Variants in APBB2 observed in about 807,000 individuals in gnomAD.
APBB2 encodes the protein Fe65-like 1.
A neutral mutation model predicts 82.5 loss-of-function variants in APBB2; 38 were observed. The observed-to-expected ratio is 0.46, with a 90% CI of 0.36 to 0.60. APBB2 has a LOEUF of 0.60. APBB2 is among the 20% of genes least tolerant of loss of function. APBB2 has a pLI of 0.00. For missense variants in APBB2, 772 were observed against 972.3 expected (o/e 0.79, Z 2.74); for synonymous variants, 341 against 368.2 (o/e 0.93, Z 0.85).
chr4:41,021,535 A>G (rs62412130), intron 5 of APBB2, among the ~76,000 whole-genome samples: 6,975 of 152,062 alleles, frequency 0.046, 340 homozygotes, highest in African/African-American at 0.12. Context: ...GATTGTAAAC[A>G]CACCAATCAG....
intron 4 of APBB2, among the ~76,000 whole-genome samples, chr4:41,033,584 T>TCACA (rs71915197): frequency 0.052 from 6,749 of 130,704 alleles, 385 homozygotes; most frequent in African/African-American, 0.14. Context: ...CTTTTTCTCA[T>TCACA]CACACACACA....
rs1340749428 is a variant in APBB2, at chr4:40,810,777, G to A, written c.*5315C>T. On this transcript the variant is annotated 3_prime_UTR_variant, in exon 18 of 18. Transcript: ENST00000508593. ...TATCTCCTTGCCCTAAAATTATAGC[G>A]TGTGGCTCATCCTCTTATCCCACCC... 2 of 152,200 alleles carry A rather than the reference G, an allele frequency of 1.3e-5. No individual in the cohort carries two copies. Among genetic ancestry groups the A allele is most frequent in the East Asian group, 3.9e-4 (2 of 5,178 alleles). 9.4% of individuals were successfully genotyped at this position (152,200 alleles called of 1,614,324 possible).
chr4:41,010,868 A>G (rs1436241344), intron 6 of APBB2, among the ~76,000 whole-genome samples: 1 of 152,208 alleles, frequency 6.6e-6, no homozygotes, highest in East Asian at 1.9e-4. Context: ...TAAACATACA[A>G]AATTAGAGAA....
At position 41,108,797 on chromosome 4, in the gene APBB2, C is replaced by G. The variant is rs537016430; in HGVS notation, c.-260-8047G>C. Among the ~76,000 whole-genome samples, 7 of 152,294 alleles carry G rather than the reference C, an allele frequency of 4.6e-5. No homozygotes were observed. The South Asian group carries it at 1.2e-3, about 27-fold the overall frequency. Reference sequence around the variant, plus strand: ...CTGACATGTCTAAGACAGACATCACCCCAACAAACCCAACCCCTTGTTTCT... The same window carrying G: ...CTGACATGTCTAAGACAGACATCACGCCAACAAACCCAACCCCTTGTTTCT... On this transcript the variant is annotated intron_variant, in intron 2 of 17. Transcript: ENST00000508593.
At chr4:40,960,526 C>A (rs988577839) in intron 6 of APBB2, among the ~76,000 whole-genome samples, 1 of 145,058 alleles carries the variant, frequency 6.9e-6, no homozygotes, top group Non-Finnish European at 1.5e-5. Flanking sequence ...CGGCTCACTG[C>A]AAGCTCTGCC....
intron 5 of APBB2, among the ~76,000 whole-genome samples, chr4:41,032,720 C>A (rs1355479937): frequency 6.7e-6 from 1 of 148,348 alleles, no homozygotes; most frequent in Non-Finnish European, 1.5e-5. Context: ...AATTATTACA[C>A]AAATATGGTT....
chr4:41,075,004 G>A (rs1312285309), intron 3 of APBB2, among the ~76,000 whole-genome samples: 7 of 152,012 alleles, frequency 4.6e-5, no homozygotes, highest in African/African-American at 1.2e-4. Flanking sequence ...ATCTGGCCAC[G>A]TGTCTGTAGT....
At chr4:41,025,587 T>C (rs1182962443) in intron 5 of APBB2, among the ~76,000 whole-genome samples, 1 of 151,910 alleles carries the variant, frequency 6.6e-6, no homozygotes, top group East Asian at 1.9e-4. Flanking sequence ...AGCAAAGACA[T>C]GGAATCAACC....
intron 6 of APBB2, among the ~76,000 whole-genome samples, chr4:40,953,333 G>A (rs1181724041): frequency 1.4e-5 from 2 of 147,916 alleles, no homozygotes; most frequent in South Asian, 4.3e-4. Context: ...AGAGACCTGA[G>A]AAAAACCCAG....
Position 40,890,393 on chromosome 4 carries a change from G to A in APBB2, c.1500C>T (p.Arg500=), listed in dbSNP as rs753171680. ...CATTGTCGCGGCCCACGCCCCACAC[G>A]CGGATGCTGACGATGGGCTGCGAGT... The part of the protein sequence containing the change: ...VLHSQPIVSI[R]VWGVGRDNGR... Residue 500 remains arginine (R), a synonymous_variant, in exon 12 of 18, where the codon CGC becomes CGT. Coordinates refer to ENST00000508593, the MANE Select transcript of APBB2 (RefSeq NM_004307.2). The A allele has an allele frequency of 1.1e-5, 18 of 1,613,470 alleles. No homozygotes were observed. The highest frequency in any genetic ancestry group is 8.8e-5 in the South Asian group (8 of 91,056).
At position 41,151,597 on chromosome 4, in the gene APBB2, G is replaced by A. The variant is rs541074380; in HGVS notation, c.-416-8455C>T. On this transcript the variant is annotated intron_variant, in intron 1 of 17. Coordinates refer to ENST00000508593, the MANE Select transcript of APBB2 (RefSeq NM_004307.2). ...ATCAGGTTTAGGTTTTTCTGAAAGC[G>A]TATTTTGCTTTTTCCTTGAATGACA... Among the ~76,000 whole-genome samples the A allele has an allele frequency of 3.3e-5, 5 of 150,232 alleles. No individual in the cohort carries two copies. The East Asian group carries it at 5.8e-4, about 17-fold the overall frequency.
intron 2 of APBB2, among the ~76,000 whole-genome samples, chr4:41,109,174 G>A (rs1748280555): frequency 6.6e-6 from 1 of 152,122 alleles, no homozygotes; most frequent in African/African-American, 2.4e-5. Flanking sequence ...CTGAGGTGGG[G>A]GATCCTTTGA....
At position 41,013,698 on chromosome 4, in the gene APBB2, C is replaced by T. The variant is rs1413812019; in HGVS notation, c.720G>A (p.Gly240=). 6.2e-7 allele frequency: 1 copy of T among 1,614,160 alleles called. No individual in the cohort carries two copies. Among genetic ancestry groups the T allele is most frequent in the Non-Finnish European group, 8.5e-7 (1 of 1,180,030 alleles). The change falls in exon 6 of 18, where the codon GGG becomes GGA. Residue 240 remains glycine (G), a synonymous_variant. Coordinates refer to ENST00000508593, the MANE Select transcript of APBB2 (RefSeq NM_004307.2). ...PETKKDHPKT[G]AKTDCALHRI... ...GGTGCAGTGCACAGTCGGTTTTGGC[C>T]CCTGTTTTCGGATGATCCTTCTTGG...
At chr4:41,125,013 G>A (rs1185948453) in intron 2 of APBB2, among the ~76,000 whole-genome samples, 1 of 152,144 alleles carries the variant, frequency 6.6e-6, no homozygotes, top group Admixed American at 6.6e-5. Flanking sequence ...TATGACTAAG[G>A]GTACAATGCG....
chr4:41,032,440 T>C (rs1257336712), intron 5 of APBB2, among the ~76,000 whole-genome samples: 3 of 151,874 alleles, frequency 2.0e-5, no homozygotes, highest in African/African-American at 7.3e-5. Flanking sequence ...AAATTAAGGT[T>C]GTTTTCCTAA....
chr4:41,041,572 A>T (rs1721518128), intron 4 of APBB2, among the ~76,000 whole-genome samples: 1 of 152,230 alleles, frequency 6.6e-6, no homozygotes, highest in Non-Finnish European at 1.5e-5. Context: ...CACAGCATTG[A>T]GAGATCCTTA....
intron 1 of APBB2, among the ~76,000 whole-genome samples, chr4:41,169,895 C>A (rs1767792631): frequency 6.6e-6 from 1 of 151,382 alleles, no homozygotes. Flanking sequence ...GAAACAGGAA[C>A]AGTTAGGAAA....
At chr4:40,907,337 T>A (rs983518690) in intron 10 of APBB2, among the ~76,000 whole-genome samples, 3 of 140,810 alleles carry the variant, frequency 2.1e-5, no homozygotes, top group African/African-American at 7.8e-5. Flanking sequence ...TTAATTTAAT[T>A]TAATATATTA....
At chr4:41,099,302 C>G (rs1744568936) in intron 3 of APBB2, among the ~76,000 whole-genome samples, 2 of 152,160 alleles carry the variant, frequency 1.3e-5, no homozygotes, top group Admixed American at 1.3e-4. Flanking sequence ...AATCTTGGCT[C>G]ACTGCAACCT....
Sources: allele counts gnomAD v4.1 joint callset (sites outside exome capture counted in the v4.1 genomes callset), GRCh38; gene constraint gnomAD v4.1.1; transcripts MANE v1.5; gene names NCBI Gene and HGNC (gene_info 2026-07-23, HGNC 2026-07-21).